Variants in ENTPD8 observed in about 807,000 individuals in gnomAD.
ENTPD8 encodes ectonucleoside triphosphate diphosphohydrolase 8.
Under a neutral mutation model 47.0 loss-of-function variants are expected in ENTPD8, and 35 were observed. The observed-to-expected ratio is 0.75, with a 90% CI of 0.57 to 0.99. The LOEUF is 0.99. ENTPD8 is among the 50% of genes least tolerant of loss of function. ENTPD8 has a pLI of 0.00. For synonymous variants in ENTPD8, 308 were observed against 290.5 expected, an observed-to-expected ratio of 1.06 and a Z score of -0.61; for missense variants, 668 against 649.9, an observed-to-expected ratio of 1.03 and a Z score of -0.30.
Position 137,435,800 on chromosome 9 carries a change from G to A in ENTPD8, c.1080C>T (p.His360=), listed in dbSNP as rs772433574. Residue 360 remains histidine, a synonymous_variant, in exon 8 of 10, where the codon CAC becomes CAT. Transcript: ENST00000371506. ...YAFSNFYYTF[H]FLNLTSRQPL... is the part of the protein sequence containing the mutation. ...GCTGCCTGGAGGTGAGGTTCAGGAA[G>A]TGGAAGGTGTAGTAGAAGTTGGAGA... The A allele has an allele frequency of 6.2e-7, 1 of 1,613,626 alleles. No individual in the cohort carries two copies. Among genetic ancestry groups the A allele is most frequent in the South Asian group, 1.1e-5 (1 of 90,994 alleles).
At position 137,434,455 on chromosome 9, in the gene ENTPD8, C is replaced by CA; in HGVS notation, c.*458_*459insT. ...GGAGGCCGGGCTGGCCCAGCAGAAG[C>CA]CCCCAGGCCTGGACTCCATCCATCT... On this transcript the variant is annotated 3_prime_UTR_variant, in exon 10 of 10. Transcript: ENST00000371506. 1 of 1,397,164 alleles carries CA rather than the reference C, an allele frequency of 7.2e-7. No homozygotes were observed. Among genetic ancestry groups the CA allele is most frequent in the Non-Finnish European group, 9.6e-7 (1 of 1,037,624 alleles). The allele number at this position is 1,397,164 out of a possible 1,614,324, so 86.5% of individuals were successfully genotyped here.
Position 137,435,846 on chromosome 9 carries a change from G to GT in ENTPD8, c.1051-18dup, listed in dbSNP as rs1310479646. 1 of 1,591,696 alleles carries GT rather than the reference G, an allele frequency of 6.3e-7. No homozygotes were observed. Among genetic ancestry groups the GT allele is most frequent in the African/African-American group, 1.3e-5 (1 of 74,474 alleles). ...GGAGAAGGCCTGAGTGAGAGGGGAG[G>GT]TGGCTGTGCCTTCGCTGTGGCCACG... On this transcript the variant is annotated splice_polypyrimidine_tract_variant and intron_variant, in intron 7 of 9. Coordinates refer to ENST00000371506, the MANE Select transcript of ENTPD8 (RefSeq NM_001033113.2).
At chr9:137,439,182 C>T (rs2131909585) in intron 1 of ENTPD8, among the ~76,000 whole-genome samples, 1 of 152,304 alleles carries the variant, frequency 6.6e-6, no homozygotes, top group South Asian at 2.1e-4. Flanking sequence ...TAGCTGGTGC[C>T]AGATGGCGCC....
In ENTPD8 at chr9:137,435,996, G is replaced by A; in HGVS notation, c.1050+17C>T. 2 of 1,611,814 alleles carry A rather than the reference G, an allele frequency of 1.2e-6. No individual in the cohort carries two copies. The highest frequency in any genetic ancestry group is 1.7e-6 in the Non-Finnish European group (2 of 1,179,324). On this transcript the variant is annotated intron_variant, in intron 7 of 9. Coordinates refer to ENST00000371506, the MANE Select transcript of ENTPD8 (RefSeq NM_001033113.2). Reference sequence around the variant, plus strand: ...AAGGAAGCCCGGACCCCTGGTGGGGGCAGTGTAGGTGCTCACATAGAACTG... The same window carrying A: ...AAGGAAGCCCGGACCCCTGGTGGGGACAGTGTAGGTGCTCACATAGAACTG...
chr9:137,436,961 C>T lies in ENTPD8; in HGVS notation c.463G>A (p.Val155Met), dbSNP rs143455567. ...AGGAGCTCGGCACCCCAAAAGTCCA[C>T]GGGAGACCGGCCCAGGACCTGGGTG... ...AVTQVLGRSP[V>M]DFWGAELLAG... Residue 155 changes from valine to methionine, a missense_variant, in exon 5 of 10, where the codon GTG (valine) becomes ATG (methionine). Transcript: ENST00000371506. 1.4e-4 allele frequency: 219 copies of T among 1,613,032 alleles called. No homozygotes were observed. The highest frequency in any genetic ancestry group is 6.6e-4 in the Middle Eastern group (4 of 6,062).
At position 137,436,918 on chromosome 9, in the gene ENTPD8, C is replaced by T. The variant is rs535800241; in HGVS notation, c.506G>A (p.Gly169Asp). Reference sequence around the variant, plus strand: ...GTTGACAGTGATCCAACCAAAGGCACCTTCGGCCTGCCCGGCCAGGAGCTC... The same window carrying T: ...GTTGACAGTGATCCAACCAAAGGCATCTTCGGCCTGCCCGGCCAGGAGCTC... ...GAELLAGQAE[G>D]AFGWITVNYG... The change falls in exon 5 of 10, where the codon GGT becomes GAT. Residue 169 changes from glycine (G) to aspartate (D), a missense_variant. Physicochemically the swap from Gly to Asp is moderately conservative, Grantham distance 94 (BLOSUM62 -1). Transcript: ENST00000371506. The T allele has an allele frequency of 7.4e-6, 12 of 1,613,064 alleles. No homozygotes were observed. Among genetic ancestry groups the T allele is most frequent in the Admixed American group, 3.3e-5 (2 of 60,026 alleles).
At position 137,437,236 on chromosome 9, in the gene ENTPD8, CG is replaced by C; in HGVS notation, c.317del (p.Ala106GlyfsTer4). The C allele has an allele frequency of 6.2e-7, 1 of 1,613,048 alleles. No homozygotes were observed. Among genetic ancestry groups the C allele is most frequent in the Non-Finnish European group, 8.5e-7 (1 of 1,180,004 alleles). On this transcript the variant is annotated frameshift_variant, in exon 4 of 10. Transcript: ENST00000371506. LOFTEE classifies it high-confidence loss of function. ...GESLQGCLEE[A>X]LVLIPEAQHR... ...GCTGGGCCTCTGGGATCAGCACCAG[CG>C]CCTCCTCCAAGCAGCCCTGCAGGCT...
At chr9:137,439,195 G>C (rs1235991179) in intron 1 of ENTPD8, among the ~76,000 whole-genome samples, 1 of 152,180 alleles carries the variant, frequency 6.6e-6, no homozygotes. Flanking sequence ...ATGGCGCCTG[G>C]TCGGGAGGTG....
chr9:137,436,505 C>T lies in ENTPD8; in HGVS notation c.786+16G>A, dbSNP rs755846446. 2 of 1,589,142 alleles carry T rather than the reference C, an allele frequency of 1.3e-6. No individual in the cohort carries two copies. Among genetic ancestry groups the T allele is most frequent in the Admixed American group, 3.6e-5 (2 of 55,732 alleles). ...TGTTCCCACAGCCCCATGCACCCTCCCCAGGGCCAGCTGACCTGTACCAGC... is the reference window on the plus strand; with the variant it reads ...TGTTCCCACAGCCCCATGCACCCTCTCCAGGGCCAGCTGACCTGTACCAGC... On this transcript the variant is annotated intron_variant, in intron 6 of 9. Transcript: ENST00000371506.
Position 137,436,859 on chromosome 9 carries a change from C to A in ENTPD8, c.555+10G>T. On this transcript the variant is annotated intron_variant, in intron 5 of 9. Transcript: ENST00000371506. ...CAGACCAGCCCCCGCCCTCAGGCAG[C>A]CTGTGGCACCTTGACCAGCGTCCCC... 1 of 1,611,466 alleles carries A rather than the reference C, an allele frequency of 6.2e-7. No homozygotes were observed. Among genetic ancestry groups the A allele is most frequent in the Non-Finnish European group, 8.5e-7 (1 of 1,179,144 alleles).
At chr9:137,439,454 A>G (rs1839458893) in intron 1 of ENTPD8, among the ~76,000 whole-genome samples, 1 of 152,144 alleles carries the variant, frequency 6.6e-6, no homozygotes, top group African/African-American at 2.4e-5. Flanking sequence ...CCCCCGGGAA[A>G]CGTTGCACCC....
At position 137,436,553 on chromosome 9, in the gene ENTPD8, TC is replaced by T. The variant is rs1241643252; in HGVS notation, c.753del (p.Met252CysfsTer2). The T allele has an allele frequency of 6.2e-7, 1 of 1,611,400 alleles. No homozygotes were observed. The highest frequency in any genetic ancestry group is 2.2e-5 in the East Asian group (1 of 44,850). ...THSYLCFGRDQMLSRLLVGLV... is the reference protein window; with the variant it reads ...THSYLCFGRDXMLSRLLVGLV... ...AGCCCCACGAGGAGCCTGCTCAGCATCTGGTCCCGTCCAAAGCACAGGTAGC... is the reference window on the plus strand; with the variant it reads ...AGCCCCACGAGGAGCCTGCTCAGCATTGGTCCCGTCCAAAGCACAGGTAGC... On this transcript the variant is annotated frameshift_variant, in exon 6 of 10. Transcript: ENST00000371506. LOFTEE classifies it high-confidence loss of function.
chr9:137,436,600 T>C lies in ENTPD8; in HGVS notation c.707A>G (p.Asp236Gly), dbSNP rs534107881. The change falls in exon 6 of 10, where the codon GAC becomes GGC. Residue 236 changes from aspartate (D) to glycine (G), a missense_variant. Coordinates refer to ENST00000371506, the MANE Select transcript of ENTPD8 (RefSeq NM_001033113.2). ...TQADFRLYGSDYSVYTHSYLC... is the reference protein window; with the variant it reads ...TQADFRLYGSGYSVYTHSYLC... ...GTAGCTGTGAGTGTAGACGCTGTAGTCGGAGCCGTAGAGGCGAAAATCGGC... is the reference window on the plus strand; with the variant it reads ...GTAGCTGTGAGTGTAGACGCTGTAGCCGGAGCCGTAGAGGCGAAAATCGGC... 25 of 1,611,484 alleles carry C rather than the reference T, an allele frequency of 1.6e-5. No individual in the cohort carries two copies. Among genetic ancestry groups the C allele is most frequent in the Middle Eastern group, 1.6e-4 (1 of 6,062 alleles).
chr9:137,436,031 C>T lies in ENTPD8; in HGVS notation c.1032G>A (p.Pro344=), dbSNP rs151271561. Residue 344 remains proline (P), a synonymous_variant, in exon 7 of 10, where the codon CCG becomes CCA. Coordinates refer to ENST00000371506, the MANE Select transcript of ENTPD8 (RefSeq NM_001033113.2). ...TGCTCACATAGAACTGGCCCCGCAGCGGGGGCTGGTAGACCCCGTCAAAGG... is the reference window on the plus strand; with the variant it reads ...TGCTCACATAGAACTGGCCCCGCAGTGGGGGCTGGTAGACCCCGTCAAAGG... ...DCAFDGVYQP[P]LRGQFYAFSN... 194 of 1,612,686 alleles carry T rather than the reference C, an allele frequency of 1.2e-4. No homozygotes were observed. The highest frequency in any genetic ancestry group is 3.1e-4 in the East Asian group (14 of 44,898).
rs1839343955 is a variant in ENTPD8 at position 137,436,134 on chromosome 9, G to A, written c.929C>T (p.Thr310Ile). 1 of 1,613,042 alleles carries A rather than the reference G, an allele frequency of 6.2e-7. No individual in the cohort carries two copies. Among genetic ancestry groups the A allele is most frequent in the Non-Finnish European group, 8.5e-7 (1 of 1,179,994 alleles). The change falls in exon 7 of 10, where the codon ACA becomes ATA. Residue 310 changes from threonine to isoleucine, a missense_variant. Thr to Ile is a moderately conservative substitution (Grantham distance 89). Coordinates refer to ENST00000371506, the MANE Select transcript of ENTPD8 (RefSeq NM_001033113.2). ...TGAGACGCAGGCTCCAGGGTTGCCTGTCCCTTCAACTGTGAGGTTCTGGGG... is the reference window on the plus strand; with the variant it reads ...TGAGACGCAGGCTCCAGGGTTGCCTATCCCTTCAACTGTGAGGTTCTGGGG... ...SLPQNLTVEG[T>I]GNPGACVSAI...
chr9:137,438,524 C>A lies in ENTPD8; in HGVS notation c.-20-219G>T, dbSNP rs1041784951. ...CTTAGAGGCATCTCCGGGGCTCAGG[C>A]GGCCTCCCGTGGCCATAGAGGCATC... On this transcript the variant is annotated intron_variant, in intron 1 of 9. Coordinates refer to ENST00000371506, the MANE Select transcript of ENTPD8 (RefSeq NM_001033113.2). This position sits in a 1 kb window ranked among gnomAD's most constrained non-coding sequence, Gnocchi z 5.7. 6.6e-6 allele frequency among the ~76,000 whole-genome samples: 1 copy of A among 150,792 alleles called. No homozygotes were observed. The highest frequency in any genetic ancestry group is 1.5e-5 in the Non-Finnish European group (1 of 67,604).
chr9:137,435,355 C>T lies in ENTPD8; in HGVS notation c.1162-17G>A. 1.2e-6 allele frequency: 2 copies of T among 1,604,192 alleles called. No individual in the cohort carries two copies. Among genetic ancestry groups the T allele is most frequent in the Non-Finnish European group, 8.5e-7 (1 of 1,175,918 alleles). ...GGCCTCCACCTGGGGCCCAGGAGAC[C>T]AAGAGGCGAGGTGAGGGCCCCTGAT... is the stretch of plus-strand genomic sequence containing the variant. On this transcript the variant is annotated splice_polypyrimidine_tract_variant and intron_variant, in intron 8 of 9. Coordinates refer to ENST00000371506, the MANE Select transcript of ENTPD8 (RefSeq NM_001033113.2).
chr9:137,437,344 C>T (rs370194839), intron 3 of ENTPD8, 35 bp from the exon 4 acceptor site: 44 of 1,586,268 alleles, frequency 2.8e-5, no homozygotes, highest in Middle Eastern at 1.8e-4. Flanking sequence ...CTCCAGACCC[C>T]GCAGGCTGGC....
intron 8 of ENTPD8, 34 bp downstream of exon 8, chr9:137,435,685 C>T: frequency 9.5e-6 from 15 of 1,581,106 alleles, no homozygotes; most frequent in Non-Finnish European, 1.2e-5. Flanking sequence ...CTCAGGGACC[C>T]TCGCTGCAGC....
Sources: allele counts gnomAD v4.1 joint callset (sites outside exome capture counted in the v4.1 genomes callset), GRCh38; gene constraint gnomAD v4.1.1; non-coding constraint Gnocchi (gnomAD v3.1); transcripts MANE v1.5; gene names NCBI Gene and HGNC (gene_info 2026-07-23, HGNC 2026-07-21).